The following CCDC93 variants were observed in gnomAD, a reference collection of about 807,000 sequenced individuals.
CCDC93 encodes coiled-coil domain-containing protein 93.
A neutral mutation model predicts 108.2 loss-of-function variants in CCDC93; 61 were observed. The observed-to-expected ratio is 0.56, with a 90% CI of 0.46 to 0.70. The LOEUF is 0.70. Ranked by LOEUF, CCDC93 falls within the 30% of genes least tolerant of loss-of-function variation. The probability of loss-of-function intolerance (pLI) is 0.00; values close to 1 mark genes in which losing one functional copy is unlikely to be tolerated. For missense variants in CCDC93, 685 were observed against 764.2 expected (o/e 0.90, Z 1.22); for synonymous variants, 276 against 260.4 (o/e 1.06, Z -0.58).
At chr2:117,984,213 CA>C (rs1481200555) in intron 7 of CCDC93, among the ~76,000 whole-genome samples, 2 of 151,772 alleles carry the variant, frequency 1.3e-5, no homozygotes, top group Admixed American at 6.6e-5. Context: ...CTCTCCCACC[CA>C]AAAAAAACCC....
At chr2:118,007,399 C>T (rs980519549) in intron 2 of CCDC93, among the ~76,000 whole-genome samples, 11 of 152,194 alleles carry the variant, frequency 7.2e-5, no homozygotes, top group Non-Finnish European at 1.5e-4. Flanking sequence ...AGGCTGGGCG[C>T]GGTGGCTCAC....
chr2:118,003,007 T>C (rs558191590), intron 3 of CCDC93, among the ~76,000 whole-genome samples: 6 of 152,328 alleles, frequency 3.9e-5, no homozygotes, highest in Admixed American at 1.3e-4. Context: ...CACAGCACCC[T>C]AGACCAGGCA....
rs548404702 is a variant in CCDC93 at position 117,948,180 on chromosome 2, T to C, written c.1149A>G (p.Leu383=). The change falls in exon 15 of 24, where the codon CTA becomes CTG. Residue 383 remains leucine, a synonymous_variant. Transcript: ENST00000376300. ...KIESKADPSI[L]QNLRALVAMN... Reference sequence around the variant, plus strand: ...TGGCTACAAGTGCTCTCAGGTTCTGTAGGATACTGAAGAGAAAAGACAAAA... The same window carrying C: ...TGGCTACAAGTGCTCTCAGGTTCTGCAGGATACTGAAGAGAAAAGACAAAA... 6.2e-7 allele frequency: 1 copy of C among 1,612,102 alleles called. No homozygotes were observed. The highest frequency in any genetic ancestry group is 8.5e-7 in the Non-Finnish European group (1 of 1,178,416).
chr2:117,984,708 T>G (rs969884536), intron 7 of CCDC93, among the ~76,000 whole-genome samples: 1 of 152,154 alleles, frequency 6.6e-6, no homozygotes, highest in African/African-American at 2.4e-5. Flanking sequence ...TGCCAAGAAC[T>G]TCTTCATTCT....
Position 118,006,787 on chromosome 2 carries a change from G to A in CCDC93, c.186C>T (p.Thr62=), listed in dbSNP as rs771337021. The change falls in exon 3 of 24, where the codon ACC becomes ACT. Residue 62 remains threonine (T), a synonymous_variant. Coordinates refer to ENST00000376300, the MANE Select transcript of CCDC93 (RefSeq NM_019044.5). ...CAACATCTACATCAAAGTTGCAAGT[G>A]GTGATACACCAAGTCATTCCTCCTA... ...KVVGGMTWCI[T]TCNFDVDVDL... 2.1e-5 allele frequency: 34 copies of A among 1,610,588 alleles called. No homozygotes were observed. Among genetic ancestry groups the A allele is most frequent in the Non-Finnish European group, 2.8e-5 (33 of 1,176,976 alleles).
intron 16 of CCDC93, 43 bp from the exon 17 acceptor site, chr2:117,945,625 G>A (rs767084298): frequency 2.1e-5 from 32 of 1,556,564 alleles, no homozygotes; most frequent in Non-Finnish European, 2.3e-5. Context: ...CTGAGCATTC[G>A]GGAATAAGAC....
At chr2:118,013,589 C>T (rs1573539837) in intron 1 of CCDC93, among the ~76,000 whole-genome samples, 1 of 152,242 alleles carries the variant, frequency 6.6e-6, no homozygotes, top group South Asian at 2.1e-4. Context: ...AGCCTCGGCC[C>T]TCGGGGCTAG....
At chr2:118,009,344 C>CT (rs1676962546) in intron 1 of CCDC93, among the ~76,000 whole-genome samples, 1 of 152,066 alleles carries the variant, frequency 6.6e-6, no homozygotes, top group Admixed American at 6.6e-5. Context: ...GTACTCCAGC[C>CT]TGGACGACAG....
chr2:117,965,340 A>G (rs1158479987), intron 11 of CCDC93, among the ~76,000 whole-genome samples: 5 of 152,158 alleles, frequency 3.3e-5, no homozygotes, highest in Non-Finnish European at 7.4e-5. Context: ...ATCTAAGCTT[A>G]TTAGAAATCA....
chr2:117,987,034 TAAAAAAAA>T (rs34625797), intron 6 of CCDC93, among the ~76,000 whole-genome samples: 1 of 127,744 alleles, frequency 7.8e-6, no homozygotes. Context: ...ATTCTTCTAT[TAAAAAAAA>T]AAAAAAAAAA....
At chr2:117,937,083 A>G (rs183439172) in intron 20 of CCDC93, among the ~76,000 whole-genome samples, 1 of 152,302 alleles carries the variant, frequency 6.6e-6, no homozygotes, top group Admixed American at 6.5e-5. Flanking sequence ...AGCCCTTTCT[A>G]TCTTGCCAAA....
intron 7 of CCDC93, among the ~76,000 whole-genome samples, chr2:117,980,963 T>A (rs914596064): frequency 6.6e-6 from 1 of 152,226 alleles, no homozygotes. Context: ...GTGGCCTTTG[T>A]GTCTGGCTTC....
chr2:118,002,694 C>G (rs1676740864), intron 3 of CCDC93, among the ~76,000 whole-genome samples: 1 of 152,126 alleles, frequency 6.6e-6, no homozygotes, highest in Non-Finnish European at 1.5e-5. Context: ...CCTCTTCCCC[C>G]TCACCCTTCC....
At chr2:118,001,997 G>C (rs2104824645) in intron 3 of CCDC93, among the ~76,000 whole-genome samples, 1 of 152,292 alleles carries the variant, frequency 6.6e-6, no homozygotes. Context: ...GCATGGCCTT[G>C]TGGACATCTG....
rs1362384658 is a variant in CCDC93 at position 117,920,031 on chromosome 2, A to G, written c.*312T>C. 4.3e-6 allele frequency: 1 copy of G among 233,932 alleles called. No individual in the cohort carries two copies. The highest frequency in any genetic ancestry group is 8.4e-6 in the Non-Finnish European group (1 of 119,402). 14.5% of individuals were successfully genotyped at this position (233,932 alleles called of 1,614,324 possible). On this transcript the variant is annotated 3_prime_UTR_variant, in exon 24 of 24. Transcript: ENST00000376300. Reference sequence around the variant, plus strand: ...ATGAATTCTTCTTTATTCAGAGTCCATACAAATACAGGTACCTTCATAAGC... The same window carrying G: ...ATGAATTCTTCTTTATTCAGAGTCCGTACAAATACAGGTACCTTCATAAGC...
In CCDC93 at chr2:117,944,065, T is replaced by C. The variant is rs778425253; in HGVS notation, c.1372A>G (p.Asn458Asp). ...TTGTAAAGTTTCTCTTTCTCCATAT[T>C]ATACCGTCTGTCTAGGTCTTCCTAA... ...THDEDLDRRY[N>D]MEKEKLYKIR... The change falls in exon 18 of 24, where the codon AAT (asparagine) becomes GAT (aspartate). Residue 458 changes from asparagine (N) to aspartate (D), a missense_variant. Asn to Asp is a conservative substitution (Grantham distance 23, BLOSUM62 1). Coordinates refer to ENST00000376300, the MANE Select transcript of CCDC93 (RefSeq NM_019044.5). The C allele has an allele frequency of 3.1e-6, 5 of 1,605,900 alleles. No homozygotes were observed. The South Asian group carries it at 5.7e-5, about 18-fold the overall frequency.
chr2:117,949,170 CTTTCTGGATGAACAG>C, intron 14 of CCDC93, 137 bp downstream of exon 14: 1 of 608,752 alleles, frequency 1.6e-6, no homozygotes, highest in Non-Finnish European at 2.9e-6. Flanking sequence ...AGAGTCACCA[CTTTCTGGATGAACAG>C]TAAAATGATC....
intron 11 of CCDC93, among the ~76,000 whole-genome samples, chr2:117,973,127 C>A (rs1377621631): frequency 6.6e-6 from 1 of 152,152 alleles, no homozygotes; most frequent in Non-Finnish European, 1.5e-5. Flanking sequence ...CAATTTTTCC[C>A]TAACTGTATC....
intron 11 of CCDC93, among the ~76,000 whole-genome samples, chr2:117,966,608 AATC>A (rs1679585903): frequency 1.3e-5 from 2 of 152,364 alleles, no homozygotes; most frequent in Admixed American, 1.3e-4. Flanking sequence ...GTGGAATAAA[AATC>A]ATCATGATAG....
Sources: allele counts gnomAD v4.1 joint callset (sites outside exome capture counted in the v4.1 genomes callset), GRCh38; gene constraint gnomAD v4.1.1; transcripts MANE v1.5; gene names NCBI Gene and HGNC (gene_info 2026-07-23, HGNC 2026-07-21).